CDH18: variants seen among roughly 807,000 people sequenced by gnomAD.
The protein encoded by CDH18 is cadherin-18.
Under a neutral mutation model 67.9 loss-of-function variants are expected in CDH18, and 31 were observed. The observed-to-expected ratio is 0.46, with a 90% CI of 0.34 to 0.62. The LOEUF is 0.62. Ranked by LOEUF, CDH18 falls within the 20% of genes least tolerant of loss-of-function variation. The probability of loss-of-function intolerance (pLI) is 0.01; values close to 1 mark genes in which losing one functional copy is unlikely to be tolerated. For synonymous variants in CDH18, 362 were observed against 347.2 expected (o/e 1.04, Z -0.48); for missense variants, 890 against 975.5 (o/e 0.91, Z 1.17).
At chr5:19,725,168 C>T (rs1376027169) in intron 4 of CDH18, among the ~76,000 whole-genome samples, 1 of 151,982 alleles carries the variant, frequency 6.6e-6, no homozygotes, top group Non-Finnish European at 1.5e-5. Flanking sequence ...CCTCGTGATC[C>T]ACCCACCTCG....
chr5:19,817,118 C>G (rs1427162311), intron 3 of CDH18, among the ~76,000 whole-genome samples: 1 of 151,758 alleles, frequency 6.6e-6, no homozygotes, highest in African/African-American at 2.4e-5. Context: ...AATTGGAAAA[C>G]ATCATCAATT....
At chr5:19,496,397 C>T (rs551154150) in intron 11 of CDH18, among the ~76,000 whole-genome samples, 6 of 152,100 alleles carry the variant, frequency 3.9e-5, no homozygotes, top group African/African-American at 9.7e-5. Context: ...GTTTTTGTCC[C>T]GTCCCAAATT....
At chr5:20,072,228 C>A (rs990397705) in intron 2 of CDH18, among the ~76,000 whole-genome samples, 1 of 152,006 alleles carries the variant, frequency 6.6e-6, no homozygotes. Context: ...ATATCAGGAA[C>A]CATCTGCAGG....
At chr5:19,594,731 C>T (rs1181618511) in intron 6 of CDH18, among the ~76,000 whole-genome samples, 1 of 152,100 alleles carries the variant, frequency 6.6e-6, no homozygotes, top group Non-Finnish European at 1.5e-5. Context: ...TTGTTCTTTG[C>T]TCTCCCTGTA....
At chr5:19,997,940 T>C (rs1025465003) in intron 2 of CDH18, among the ~76,000 whole-genome samples, 10 of 152,138 alleles carry the variant, frequency 6.6e-5, no homozygotes, top group African/African-American at 2.4e-4. Flanking sequence ...GCAGAGAGCA[T>C]GACAGGGTGT....
intron 2 of CDH18, among the ~76,000 whole-genome samples, chr5:20,104,851 C>T (rs751566428): frequency 6.6e-6 from 1 of 152,200 alleles, no homozygotes; most frequent in Non-Finnish European, 1.5e-5. Flanking sequence ...CACACTCACA[C>T]AACCACACCT....
chr5:19,607,898 A>T (rs1318301313), intron 6 of CDH18, among the ~76,000 whole-genome samples: 1 of 151,744 alleles, frequency 6.6e-6, no homozygotes, highest in African/African-American at 2.4e-5. Context: ...GGTATGGAGT[A>T]TTATTAGAAC....
chr5:20,242,979 CT>C (rs1360867851), intron 2 of CDH18, among the ~76,000 whole-genome samples: 1 of 152,050 alleles, frequency 6.6e-6, no homozygotes, highest in Non-Finnish European at 1.5e-5. Context: ...AATTCTAAAT[CT>C]TACAATGGTT....
rs1561917347 is a variant in CDH18, at chr5:20,256,970, C to CTG, written c.-579-1466_-579-1465insCA. On this transcript the variant is annotated intron_variant, in intron 1 of 14. Coordinates refer to the CDH18 transcript ENST00000507958. The stretch of plus-strand genomic sequence containing the variant: ...CTATCTATCTATCTATCTAATCTAT[C>CTG]TATATCTATATCTATATCTATCTAT... Among the ~76,000 whole-genome samples the CTG allele has an allele frequency of 5.7e-5, 6 of 106,128 alleles. 1 individual carries two copies. The highest frequency in any genetic ancestry group is 3.2e-4 in the Admixed American group (3 of 9,398). 69.6% of individuals were successfully genotyped at this position (106,128 alleles called of 152,430 possible).
At chr5:19,770,663 A>G (rs888719444) in intron 3 of CDH18, among the ~76,000 whole-genome samples, 3 of 152,170 alleles carry the variant, frequency 2.0e-5, no homozygotes, top group Non-Finnish European at 2.9e-5. Context: ...GCAGAAAAAA[A>G]AAGTCCACAG....
At position 19,561,348 on chromosome 5, in the gene CDH18, G is replaced by A. The variant is rs980609672; in HGVS notation, c.1253+10231C>T. ...CAGCCACAAAAATGAATGAAATAAT[G>A]GCATTTGCAACAGCATGGATGGAAT... On this transcript the variant is annotated intron_variant, in intron 8 of 12. Transcript: ENST00000382275. 7.9e-5 allele frequency among the ~76,000 whole-genome samples: 12 copies of A among 152,134 alleles called. No individual in the cohort carries two copies. In the Middle Eastern group the frequency reaches 0.01, roughly 130 times the overall value.
chr5:20,066,422 G>A (rs763744902), intron 2 of CDH18, among the ~76,000 whole-genome samples: 10 of 151,982 alleles, frequency 6.6e-5, no homozygotes, highest in African/African-American at 1.4e-4. Flanking sequence ...ATTCAAGGTC[G>A]TATTATCACT....
intron 2 of CDH18, among the ~76,000 whole-genome samples, chr5:20,004,895 A>T (rs17290400): frequency 0.023 from 3,516 of 152,182 alleles, 57 homozygotes; most frequent in Non-Finnish European, 0.038. Context: ...AAATTTGAAG[A>T]CCCAATAAAA....
At chr5:19,702,919 C>T (rs1357142247) in intron 5 of CDH18, among the ~76,000 whole-genome samples, 4 of 152,146 alleles carry the variant, frequency 2.6e-5, no homozygotes, top group East Asian at 1.9e-4. Context: ...ATAGCATGAG[C>T]GATCTGTGCC....
At chr5:20,487,349 T>A (rs955484500) in intron 1 of CDH18, among the ~76,000 whole-genome samples, 4 of 149,818 alleles carry the variant, frequency 2.7e-5, no homozygotes, top group African/African-American at 4.9e-5. Flanking sequence ...TATATATGTA[T>A]AAACCTATAT....
rs1011820650 is a variant in CDH18 at position 19,857,148 on chromosome 5, T to A, written c.-256-17906A>T. The stretch of plus-strand genomic sequence containing the variant: ...CCAAGGCTGAGGCAGGAGGATCACT[T>A]GAGCCCAGGACTTTGAGGCTGCAGT... On this transcript the variant is annotated intron_variant, in intron 2 of 12. Coordinates refer to ENST00000382275, the MANE Select transcript of CDH18 (RefSeq NM_004934.5). Among the ~76,000 whole-genome samples, 4 of 152,244 alleles carry A rather than the reference T, an allele frequency of 2.6e-5. No homozygotes were observed. In the East Asian group the frequency reaches 7.7e-4, roughly 29 times the overall value.
In CDH18 at chr5:19,610,499, AAAAG is replaced by A. The variant is rs68133323; in HGVS notation, c.811+1931_811+1934del. On this transcript the variant is annotated intron_variant, in intron 6 of 12. Coordinates refer to ENST00000382275, the MANE Select transcript of CDH18 (RefSeq NM_004934.5). ...TAATTATTTTAGGAAGAAATGGAGA[AAAAG>A]AGAGAGTGGGAGATGCTATATTTAC... is the stretch of plus-strand genomic sequence containing the variant. 9.9e-3 allele frequency among the ~76,000 whole-genome samples: 1,507 copies of A among 152,164 alleles called. 13 individuals carry two copies. Among genetic ancestry groups the A allele is most frequent in the Middle Eastern group, 0.055 (16 of 290 alleles).
At chr5:19,675,435 A>G (rs1351268277) in intron 5 of CDH18, among the ~76,000 whole-genome samples, 3 of 151,972 alleles carry the variant, frequency 2.0e-5, no homozygotes, top group East Asian at 1.9e-4. Flanking sequence ...GATGTCCCCA[A>G]TGGAGCCATT....
At chr5:20,534,687 T>C (rs1756610650) in intron 1 of CDH18, among the ~76,000 whole-genome samples, 1 of 152,058 alleles carries the variant, frequency 6.6e-6, no homozygotes, top group East Asian at 1.9e-4. Context: ...ATGCCATATC[T>C]TACAGGCTTT....
Sources: gnomAD v4.1 joint callset for allele counts (sites outside exome capture counted in the v4.1 genomes callset) on GRCh38, gnomAD v4.1.1 for gene constraint, MANE v1.5 for transcripts, NCBI Gene and HGNC (gene_info 2026-07-23, HGNC 2026-07-21) for gene names.